Variants in CIMIP6 observed in about 807,000 individuals in gnomAD.
CIMIP6 encodes ciliary microtubule inner protein 6.
the CIMIP6 span, among the ~76,000 whole-genome samples, chr2:54,372,049 T>C: frequency 6.6e-6 from 1 of 152,232 alleles, no homozygotes; most frequent in Admixed American, 6.5e-5. Context: ...AACTATTCTA[T>C]GAACTGTGTA....
the CIMIP6 span, chr2:54,358,869 T>C: frequency 7.1e-6 from 4 of 563,358 alleles, no homozygotes; most frequent in Non-Finnish European, 1.2e-5. Flanking sequence ...GAATTTAGTT[T>C]TGTTACCATA....
chr2:54,375,783 G>A, the CIMIP6 span, among the ~76,000 whole-genome samples: 20 of 152,274 alleles, frequency 1.3e-4, 1 homozygote, highest in East Asian at 3.9e-3. Context: ...GCATGGGCTA[G>A]ATCTTCTCCA....
At chr2:54,370,692 G>A in the CIMIP6 span, among the ~76,000 whole-genome samples, 3 of 152,142 alleles carry the variant, frequency 2.0e-5, no homozygotes, top group Non-Finnish European at 4.4e-5. Context: ...TGTTGCGGGG[G>A]CCTGCTTCCC....
chr2:54,358,796 G>A, the CIMIP6 span, among the ~76,000 whole-genome samples: 1 of 81,098 alleles, frequency 1.2e-5, no homozygotes, highest in Non-Finnish European at 3.7e-5. Flanking sequence ...TTTTCATGAA[G>A]AAAGAATGGT....
chr2:54,380,847 T>C, the CIMIP6 span, among the ~76,000 whole-genome samples: 3 of 152,204 alleles, frequency 2.0e-5, no homozygotes, highest in Admixed American at 6.5e-5. Context: ...AAAGACGTAG[T>C]TGGTTTTCCT....
At chr2:54,381,761 G>A in the CIMIP6 span, 1 of 1,442,608 alleles carries the variant, frequency 6.9e-7, no homozygotes. Flanking sequence ...GCACATTTCA[G>A]AACTCCATCT....
At chr2:54,337,170 G>GT in the CIMIP6 span, among the ~76,000 whole-genome samples, 1 of 152,158 alleles carries the variant, frequency 6.6e-6, no homozygotes, top group South Asian at 2.1e-4. Context: ...TGTGTGTTAG[G>GT]TATAGTGATT....
chr2:54,382,118 A>C, the CIMIP6 span: 2 of 1,143,316 alleles, frequency 1.7e-6, no homozygotes, highest in South Asian at 2.0e-5. Flanking sequence ...CCTACTATAG[A>C]AATGTGAACA....
At chr2:54,357,350 A>T in the CIMIP6 span, among the ~76,000 whole-genome samples, 1 of 152,166 alleles carries the variant, frequency 6.6e-6, no homozygotes, top group Non-Finnish European at 1.5e-5. Flanking sequence ...TATTCCTCTA[A>T]TTTTAAAGGT....
chr2:54,367,647 A>G, the CIMIP6 span, among the ~76,000 whole-genome samples: 2 of 152,032 alleles, frequency 1.3e-5, no homozygotes, highest in African/African-American at 4.8e-5. Context: ...ATCAAATGTA[A>G]AAAAGGAGAA....
the CIMIP6 span, among the ~76,000 whole-genome samples, chr2:54,362,265 A>G: frequency 6.6e-6 from 1 of 152,196 alleles, no homozygotes; most frequent in Admixed American, 6.5e-5. Flanking sequence ...CCAAGAAGAA[A>G]ACCAAACTGA....
chr2:54,336,651 G>A, the CIMIP6 span, among the ~76,000 whole-genome samples: 91 of 152,300 alleles, frequency 6.0e-4, no homozygotes, highest in African/African-American at 2.1e-3. Flanking sequence ...TTTAGTAAGG[G>A]AATAGATCAA....
chr2:54,360,330 G>A, the CIMIP6 span: 6 of 1,611,066 alleles, frequency 3.7e-6, no homozygotes, highest in East Asian at 1.1e-4. Flanking sequence ...ACAGAGAAAG[G>A]AAACTCAGCG....
At chr2:54,369,672 A>T in the CIMIP6 span, among the ~76,000 whole-genome samples, 2 of 152,228 alleles carry the variant, frequency 1.3e-5, no homozygotes, top group Non-Finnish European at 1.5e-5. Flanking sequence ...AAGGAGGAAG[A>T]AGACTACTGA....
At chr2:54,353,895 G>A in the CIMIP6 span, among the ~76,000 whole-genome samples, 17 of 152,150 alleles carry the variant, frequency 1.1e-4, no homozygotes, top group Admixed American at 1.1e-3. Context: ...TACCTTATGG[G>A]TTGTGTACTG....
the CIMIP6 span, among the ~76,000 whole-genome samples, chr2:54,340,456 C>T: frequency 6.6e-6 from 1 of 152,186 alleles, no homozygotes; most frequent in African/African-American, 2.4e-5. Flanking sequence ...ACCAAAAGGG[C>T]ACGCACATGT....
the CIMIP6 span, among the ~76,000 whole-genome samples, chr2:54,349,790 C>T: frequency 6.6e-6 from 1 of 151,942 alleles, no homozygotes. Flanking sequence ...TAAGGAATTT[C>T]CCTTTATAAT....
At chr2:54,356,769 A>C in the CIMIP6 span, among the ~76,000 whole-genome samples, 1 of 152,252 alleles carries the variant, frequency 6.6e-6, no homozygotes, top group Admixed American at 6.5e-5. Flanking sequence ...GATTTATTTC[A>C]AAGTCACACA....
At chr2:54,379,451 G>T in the CIMIP6 span, among the ~76,000 whole-genome samples, 1 of 152,164 alleles carries the variant, frequency 6.6e-6, no homozygotes, top group African/African-American at 2.4e-5. Flanking sequence ...GGCCATACTT[G>T]CAGGCTTTTG....
Sources: allele counts gnomAD v4.1 joint callset (sites outside exome capture counted in the v4.1 genomes callset), GRCh38; gene constraint gnomAD v4.1.1; transcripts MANE v1.5; gene names NCBI Gene and HGNC (gene_info 2026-07-23, HGNC 2026-07-21).